The following HIBCH variants were observed in gnomAD, a reference collection of about 807,000 sequenced individuals.
HIBCH encodes the protein 3-hydroxyisobutyryl-CoA hydrolase, mitochondrial.
HIBCH carries 50 observed loss-of-function variants against 58.2 expected under a neutral mutation model. The ratio of observed to expected loss-of-function variants is 0.86; its 90% CI spans 0.68 to 1.09. The LOEUF (loss-of-function observed/expected upper bound fraction) is 1.09, where lower values mean the gene tolerates loss of function less well. HIBCH is among the 50% of genes least tolerant of loss of function. The probability of loss-of-function intolerance (pLI) is 0.00; values close to 1 mark genes in which losing one functional copy is unlikely to be tolerated. For missense variants in HIBCH, 450 were observed against 449.7 expected (o/e 1.00, Z -0.01); for synonymous variants, 151 against 146.9 (o/e 1.03, Z -0.20).
chr2:190,225,550 C>G (rs1178045231), intron 11 of HIBCH, among the ~76,000 whole-genome samples: 3 of 152,146 alleles, frequency 2.0e-5, no homozygotes, highest in African/African-American at 7.2e-5. Context: ...GACACATATA[C>G]CCTCCCAAGA....
rs1293540404 is a variant in HIBCH at position 190,319,732 on chromosome 2, A to G, written c.19T>C (p.Trp7Arg). ...CTCACTCACCTCGACATGAGCCTCC[A>G]CATCTCGCGCTGCCCCATCGCCAAA... The part of the protein sequence containing the change: MGQREM[W>R]RLMSRFNAFK... The change falls in exon 1 of 14, where the codon TGG becomes CGG. Residue 7 changes from tryptophan to arginine, a missense_variant. Transcript: ENST00000359678. 5 of 1,612,958 alleles carry G rather than the reference A, an allele frequency of 3.1e-6. No individual in the cohort carries two copies. The highest frequency in any genetic ancestry group is 4.2e-6 in the Non-Finnish European group (5 of 1,179,474).
At position 190,197,609 on chromosome 2, in the gene HIBCH, G is replaced by A. The variant is rs971140695; in HGVS notation, c.*17+7491C>T. On this transcript the variant is annotated intron_variant, in intron 1 of 1. Transcript: ENST00000399855. This position sits in a 1 kb window ranked among gnomAD's most constrained non-coding sequence, Gnocchi z 4.0. ...CCTGGGGCTCAACTCCCACGGTAAT[G>A]CTGGGAGATACCCCCAGGTAGAATC... is the stretch of plus-strand genomic sequence containing the variant. Among the ~76,000 whole-genome samples, 1 of 152,164 alleles carries A rather than the reference G, an allele frequency of 6.6e-6. No homozygotes were observed. The highest frequency in any genetic ancestry group is 1.5e-5 in the Non-Finnish European group (1 of 68,026).
At chr2:190,265,039 C>G (rs186108145) in intron 6 of HIBCH, among the ~76,000 whole-genome samples, 12 of 141,986 alleles carry the variant, frequency 8.5e-5, no homozygotes, top group Non-Finnish European at 1.2e-4. Context: ...AGGAGAATTG[C>G]TTGAACCTGG....
chr2:190,303,233 T>A (rs533358677), intron 2 of HIBCH, among the ~76,000 whole-genome samples: 1 of 152,274 alleles, frequency 6.6e-6, no homozygotes, highest in African/African-American at 2.4e-5. Flanking sequence ...TACAGATACA[T>A]ACATTACCCT....
At chr2:190,285,079 C>G (rs1687797571) in intron 6 of HIBCH, among the ~76,000 whole-genome samples, 1 of 152,182 alleles carries the variant, frequency 6.6e-6, no homozygotes. Context: ...TTGTTCTCCA[C>G]AGATACTTCA....
At chr2:190,278,329 G>A (rs1402877155) in intron 6 of HIBCH, among the ~76,000 whole-genome samples, 1 of 151,964 alleles carries the variant, frequency 6.6e-6, no homozygotes, top group African/African-American at 2.4e-5. Context: ...CTCAGCCTCT[G>A]GAGTAGCTGG....
At position 190,249,676 on chromosome 2, in the gene HIBCH, T is replaced by C. The variant is rs1686708546; in HGVS notation, c.714A>G (p.Glu238=). The C allele has an allele frequency of 1.2e-6, 2 of 1,608,794 alleles. No homozygotes were observed. Among genetic ancestry groups the C allele is most frequent in the Non-Finnish European group, 1.7e-6 (2 of 1,175,570 alleles). ...DLLALKSPSK[E]NIASVLENYH... ...AATTTTCTAAGACAGATGCAATATT[T>C]TCTTTTGAAGGAGATTTCAAGGCTA... The change falls in exon 9 of 14, where the codon GAA becomes GAG. Residue 238 remains glutamate (E), a synonymous_variant. Transcript: ENST00000359678.
intron 2 of HIBCH, among the ~76,000 whole-genome samples, chr2:190,299,308 T>C (rs1384096518): frequency 6.6e-6 from 1 of 152,228 alleles, no homozygotes; most frequent in East Asian, 1.9e-4. Flanking sequence ...AGTTAATTTT[T>C]GTTAAAATTA....
At chr2:190,199,567 T>A (rs1690146355), downstream of HIBCH, 4 of 373,330 alleles carry the variant, frequency 1.1e-5, no homozygotes, top group Non-Finnish European at 1.8e-5. Context: ...ACTGATAAGA[T>A]AAAGCTGTTT....
Position 190,243,641 on chromosome 2 carries a change from T to G in HIBCH, c.891+1246A>C, listed in dbSNP as rs1461510525. Among the ~76,000 whole-genome samples, 1 of 152,138 alleles carries G rather than the reference T, an allele frequency of 6.6e-6. No homozygotes were observed. Among genetic ancestry groups the G allele is most frequent in the Non-Finnish European group, 1.5e-5 (1 of 68,016 alleles). The stretch of plus-strand genomic sequence containing the variant: ...AATTTTAATACTGTATAAGATCCCA[T>G]GGGAGAAATTAACTTTGGATTTCCC... On this transcript the variant is annotated intron_variant, in intron 11 of 13. Coordinates refer to ENST00000359678, the MANE Select transcript of HIBCH (RefSeq NM_014362.4). The surrounding 1 kb of genome is among the most constrained non-coding windows in gnomAD (Gnocchi z 4.1).
rs1685582714 is a variant in HIBCH, at chr2:190,217,264, A to G, written c.892-4189T>C. Among the ~76,000 whole-genome samples, 1 of 152,156 alleles carries G rather than the reference A, an allele frequency of 6.6e-6. No individual in the cohort carries two copies. The highest frequency in any genetic ancestry group is 1.5e-5 in the Non-Finnish European group (1 of 68,018). ...TTTCTGAGACTGAGGCAGGTGGATC[A>G]CCTGAGGTCAAGAGTTCAAGACCAG... On this transcript the variant is annotated intron_variant, in intron 11 of 13. Transcript: ENST00000359678. This position sits in a 1 kb window ranked among gnomAD's most constrained non-coding sequence, Gnocchi z 4.6.
chr2:190,240,858 G>A (rs1359563626), intron 11 of HIBCH, among the ~76,000 whole-genome samples: 6 of 152,066 alleles, frequency 3.9e-5, no homozygotes, highest in South Asian at 2.1e-4. Context: ...TATGATTTCC[G>A]TTCTTTTACA....
chr2:190,218,135 TGG>T (rs1289476334), intron 11 of HIBCH, among the ~76,000 whole-genome samples: 1 of 151,262 alleles, frequency 6.6e-6, no homozygotes, highest in African/African-American at 2.4e-5. Flanking sequence ...TCTTACCTTG[TGG>T]GAATTTACGG....
rs556799660 is a variant in HIBCH at position 190,219,334 on chromosome 2, C to T, written c.892-6259G>A. Among the ~76,000 whole-genome samples, 3 of 152,218 alleles carry T rather than the reference C, an allele frequency of 2.0e-5. No homozygotes were observed. The South Asian group carries it at 6.2e-4, about 32-fold the overall frequency. Reference sequence around the variant, plus strand: ...GAAGGAAATAACGTATACCATGGTTCATTTCCAAAACAAAGTGCCCTGAAT... The same window carrying T: ...GAAGGAAATAACGTATACCATGGTTTATTTCCAAAACAAAGTGCCCTGAAT... On this transcript the variant is annotated intron_variant, in intron 11 of 13. Coordinates refer to ENST00000359678, the MANE Select transcript of HIBCH (RefSeq NM_014362.4).
chr2:190,226,771 C>G (rs965226598), intron 11 of HIBCH, among the ~76,000 whole-genome samples: 4 of 152,134 alleles, frequency 2.6e-5, no homozygotes, highest in Non-Finnish European at 5.9e-5. Flanking sequence ...CACACGCATT[C>G]CTATACACCA....
Position 190,315,627 on chromosome 2 carries a change from G to A in HIBCH, c.35+4089C>T, listed in dbSNP as rs1246486454. 6.6e-6 allele frequency among the ~76,000 whole-genome samples: 1 copy of A among 152,230 alleles called. No individual in the cohort carries two copies. Among genetic ancestry groups the A allele is most frequent in the Non-Finnish European group, 1.5e-5 (1 of 68,036 alleles). ...CAGGAAGAAGACATCACAAAGTAGT[G>A]CTTAGTGAAAATTATTATCCCAGAA... On this transcript the variant is annotated intron_variant, in intron 1 of 13. Coordinates refer to ENST00000359678, the MANE Select transcript of HIBCH (RefSeq NM_014362.4). This position sits in a 1 kb window ranked among gnomAD's most constrained non-coding sequence, Gnocchi z 5.4.
chr2:190,221,757 G>A (rs939783541), intron 11 of HIBCH, among the ~76,000 whole-genome samples: 6 of 152,166 alleles, frequency 3.9e-5, no homozygotes, highest in Admixed American at 6.5e-5. Context: ...AGACGACGGA[G>A]ACTACGGTTG....
Position 190,193,492 on chromosome 2 carries a change from G to A in HIBCH, c.*18-3495C>T, listed in dbSNP as rs183855406. On this transcript the variant is annotated intron_variant, in intron 1 of 1. Transcript: ENST00000399855. Reference sequence around the variant, plus strand: ...TAGATAAGACTGGTATTACTTCCTCGTAATGGCCTTGGTAAGAGTTCTCTA... The same window carrying A: ...TAGATAAGACTGGTATTACTTCCTCATAATGGCCTTGGTAAGAGTTCTCTA... Among the ~76,000 whole-genome samples the A allele has an allele frequency of 3.6e-3, 551 of 152,022 alleles. 1 individual carries two copies. The highest frequency in any genetic ancestry group is 0.013 in the African/African-American group (519 of 41,464).
Position 190,303,657 on chromosome 2 carries a change from T to C in HIBCH, c.79-6704A>G, listed in dbSNP as rs1162880958. Among the ~76,000 whole-genome samples the C allele has an allele frequency of 3.3e-5, 5 of 152,212 alleles. No individual in the cohort carries two copies. The South Asian group carries it at 1.0e-3, about 32-fold the overall frequency. ...CAGAATTCTAAATGACATATGTAGT[T>C]ATCTCCCTTCCAAGAGACAGAGCTT... On this transcript the variant is annotated intron_variant, in intron 2 of 13. Transcript: ENST00000359678.
Sources: allele counts gnomAD v4.1 joint callset (sites outside exome capture counted in the v4.1 genomes callset), GRCh38; gene constraint gnomAD v4.1.1; non-coding constraint Gnocchi (gnomAD v3.1); transcripts MANE v1.5; gene names NCBI Gene and HGNC (gene_info 2026-07-23, HGNC 2026-07-21).